The following NBEA variants were observed in gnomAD, a reference collection of about 807,000 sequenced individuals.
NBEA encodes the protein neurobeachin.
NBEA carries 44 observed loss-of-function variants against 343.4 expected under a neutral mutation model. That is an observed-to-expected ratio of 0.13 (90% CI 0.10 to 0.16). NBEA has a LOEUF of 0.16. NBEA is among the 10% of genes least tolerant of loss of function. The probability of loss-of-function intolerance (pLI) is 1.00; values close to 1 mark genes in which losing one functional copy is unlikely to be tolerated. For synonymous variants in NBEA, 1,175 were observed against 1,238.7 expected, an observed-to-expected ratio of 0.95 and a Z score of 1.08; for missense variants, 2,555 against 3,631.3, an observed-to-expected ratio of 0.70 and a Z score of 7.62.
In NBEA at chr13:35,484,266, GTGTGTGTGTA is replaced by G. The variant is rs758322919; in HGVS notation, c.6585+11732_6585+11741del. Among the ~76,000 whole-genome samples the G allele has an allele frequency of 6.1e-3, 823 of 135,822 alleles. 7 individuals carry two copies. The highest frequency in any genetic ancestry group is 0.018 in the African/African-American group (615 of 35,054). The allele number at this position is 135,822 out of a possible 152,430, so 89.1% of individuals were successfully genotyped here. On this transcript the variant is annotated intron_variant, in intron 41 of 58. Transcript: ENST00000379939. ...TGTGTGTGTGTGTGTGTGTGTGTGT[GTGTGTGTGTA>G]TATATATATATATATATGTAGACCC...
At chr13:35,523,097 C>T (rs9544538) in intron 41 of NBEA, among the ~76,000 whole-genome samples, 59,726 of 151,918 alleles carry the variant, frequency 0.39, 13,420 homozygotes, top group East Asian at 0.67. Flanking sequence ...GTGTTGCCAT[C>T]CACTAAGATA....
chr13:35,623,233 A>C (rs1054887899), intron 48 of NBEA, among the ~76,000 whole-genome samples: 25 of 152,310 alleles, frequency 1.6e-4, no homozygotes, highest in African/African-American at 6.0e-4. Context: ...TCAAAGTGCC[A>C]AATAGGTTTG....
At chr13:35,592,353 A>G (rs1224158169) in intron 46 of NBEA, among the ~76,000 whole-genome samples, 1 of 152,144 alleles carries the variant, frequency 6.6e-6, no homozygotes, top group Non-Finnish European at 1.5e-5. Flanking sequence ...TGTTGGAGAT[A>G]AAACAATGAA....
intron 38 of NBEA, among the ~76,000 whole-genome samples, chr13:35,427,726 G>C (rs1455311393): frequency 6.6e-6 from 1 of 152,202 alleles, no homozygotes; most frequent in Non-Finnish European, 1.5e-5. Context: ...TGCCCTGCCT[G>C]CAGAAGTGGA....
intron 38 of NBEA, among the ~76,000 whole-genome samples, chr13:35,431,073 C>T (rs1254136411): frequency 2.0e-5 from 3 of 151,676 alleles, no homozygotes; most frequent in African/African-American, 7.3e-5. Flanking sequence ...AATTATTTTT[C>T]TCAATGGCCA....
chr13:35,417,671 T>A (rs2044005535), intron 38 of NBEA, among the ~76,000 whole-genome samples: 1 of 152,192 alleles, frequency 6.6e-6, no homozygotes. Flanking sequence ...TGATCAATTT[T>A]GGAATAGGTG....
intron 41 of NBEA, among the ~76,000 whole-genome samples, chr13:35,483,577 T>C (rs1368590977): frequency 2.6e-5 from 4 of 152,080 alleles, no homozygotes; most frequent in South Asian, 2.1e-4. Context: ...TATTAAATTA[T>C]AGGAGTGAAG....
intron 49 of NBEA, among the ~76,000 whole-genome samples, chr13:35,641,181 C>T (rs186196044): frequency 3.6e-4 from 55 of 152,096 alleles, no homozygotes; most frequent in African/African-American, 1.2e-3. Context: ...TAATGTAAAT[C>T]ATTACTTTAT....
At position 35,161,801 on chromosome 13, in the gene NBEA, T is replaced by G; in HGVS notation, c.3913T>G (p.Leu1305Val). The change falls in exon 23 of 59, where the codon TTA becomes GTA. Residue 1305 changes from leucine to valine, a missense_variant. This residue lies in a region of NBEA where 367 missense variants were observed against 377.5 expected (regional missense o/e 0.97). Transcript: ENST00000379939. The part of the protein sequence containing the change: ...TQQDRDLRVD[L>V]GFRGMPMTEE... Reference sequence around the variant, plus strand: ...ACAAGACCGAGATCTCCGAGTTGATTTAGGATTTCGAGGAATGCCAATGAC... The same window carrying G: ...ACAAGACCGAGATCTCCGAGTTGATGTAGGATTTCGAGGAATGCCAATGAC... 6.2e-7 allele frequency: 1 copy of G among 1,612,522 alleles called. No homozygotes were observed. The highest frequency in any genetic ancestry group is 8.5e-7 in the Non-Finnish European group (1 of 1,179,364).
At chr13:35,290,190 C>A (rs578162914) in intron 34 of NBEA, among the ~76,000 whole-genome samples, 199 bp from the exon 35 acceptor site, 2 of 151,642 alleles carry the variant, frequency 1.3e-5, no homozygotes, top group African/African-American at 4.8e-5. Flanking sequence ...ACTGAATGGG[C>A]AAAAACTGGA....
intron 45 of NBEA, among the ~76,000 whole-genome samples, chr13:35,569,603 C>T (rs573227772): frequency 6.6e-6 from 1 of 152,118 alleles, no homozygotes; most frequent in African/African-American, 2.4e-5. Flanking sequence ...CACACATGTG[C>T]TATATGTCAA....
chr13:35,384,425 G>C (rs2042144847), intron 38 of NBEA, among the ~76,000 whole-genome samples: 1 of 151,894 alleles, frequency 6.6e-6, no homozygotes, highest in Non-Finnish European at 1.5e-5. Context: ...TTCTTCAGTG[G>C]ATTAAAGCCT....
At chr13:35,426,541 G>T (rs1594595679) in intron 38 of NBEA, among the ~76,000 whole-genome samples, 1 of 152,144 alleles carries the variant, frequency 6.6e-6, no homozygotes, top group Admixed American at 6.5e-5. Flanking sequence ...GCTTCCCTTT[G>T]TGGGTAACCC....
intron 38 of NBEA, among the ~76,000 whole-genome samples, chr13:35,369,645 A>G (rs1209979614): frequency 6.6e-6 from 1 of 151,606 alleles, no homozygotes; most frequent in African/African-American, 2.4e-5. Context: ...TTGAGTTTTT[A>G]CTCAGCTAGT....
chr13:35,532,191 G>A (rs1002070582), intron 41 of NBEA, among the ~76,000 whole-genome samples: 1 of 152,118 alleles, frequency 6.6e-6, no homozygotes. Flanking sequence ...ATTTGTCATT[G>A]AATTTCATTT....
chr13:35,416,684 G>A (rs2043930462), intron 38 of NBEA, among the ~76,000 whole-genome samples: 1 of 152,052 alleles, frequency 6.6e-6, no homozygotes. Context: ...CAAGGATATT[G>A]GTCTAAAATT....
chr13:35,493,845 C>G (rs1354971451), intron 41 of NBEA, among the ~76,000 whole-genome samples: 1 of 151,708 alleles, frequency 6.6e-6, no homozygotes, highest in South Asian at 2.1e-4. Context: ...AGGTGTATCT[C>G]GTCATGTGCA....
chr13:34,977,060 C>G (rs1003843628), intron 1 of NBEA, among the ~76,000 whole-genome samples: 17 of 151,624 alleles, frequency 1.1e-4, no homozygotes, highest in South Asian at 1.0e-3. Flanking sequence ...CCTGCCTCAG[C>G]CTCCCAAGTA....
At chr13:35,097,661 T>G (rs1319966495) in intron 10 of NBEA, among the ~76,000 whole-genome samples, 1 of 151,998 alleles carries the variant, frequency 6.6e-6, no homozygotes, top group Non-Finnish European at 1.5e-5. Flanking sequence ...CTTTGACACC[T>G]CTTTGTCTGC....
Sources: gnomAD v4.1 joint callset for allele counts (sites outside exome capture counted in the v4.1 genomes callset) on GRCh38, gnomAD v4.1.1 for gene constraint, gnomAD v4.1.1 regional missense constraint, MANE v1.5 for transcripts, NCBI Gene and HGNC (gene_info 2026-07-23, HGNC 2026-07-21) for gene names.